The following ARHGAP33 variants were observed in gnomAD, a reference collection of about 807,000 sequenced individuals.
The protein encoded by ARHGAP33 is Rho GTPase activating protein 33.
Under a neutral mutation model 126.2 loss-of-function variants are expected in ARHGAP33, and 57 were observed. The observed-to-expected ratio is 0.45, with a 90% CI of 0.36 to 0.56. The LOEUF is 0.56. ARHGAP33 is among the 20% of genes least tolerant of loss of function. The pLI, the probability that ARHGAP33 is intolerant of heterozygous loss-of-function variation, is 0.00. For synonymous variants in ARHGAP33, 711 were observed against 755.0 expected (o/e 0.94, Z 0.95); for missense variants, 1,500 against 1,748.3 (o/e 0.86, Z 2.53).
In ARHGAP33 at chr19:35,775,632, G is replaced by T. The variant is rs1015362416; in HGVS notation, c.-27G>T. The T allele has an allele frequency of 2.6e-6, 4 of 1,528,054 alleles. No individual in the cohort carries two copies. The African/African-American group carries it at 5.8e-5, about 22-fold the overall frequency. 94.7% of individuals were successfully genotyped at this position (1,528,054 alleles called of 1,614,324 possible). On this transcript the variant is annotated 5_prime_UTR_variant, in exon 1 of 21. Transcript: ENST00000007510. Reference sequence around the variant, plus strand: ...AACGGCGAGCGAGGGGTCGAGCGCGGCCGGGGCCTGAGGAGGCTACGCGAC... The same window carrying T: ...AACGGCGAGCGAGGGGTCGAGCGCGTCCGGGGCCTGAGGAGGCTACGCGAC...
rs1292407190 is a variant in ARHGAP33, at chr19:35,786,481, CCTG to C, written c.2015_2017del (p.Ala672del). On this transcript the variant is annotated inframe_deletion, in exon 20 of 21. Transcript: ENST00000007510. This position sits in a 1 kb window ranked among gnomAD's most constrained non-coding sequence, Gnocchi z 7.0. The stretch of plus-strand genomic sequence containing the variant: ...CGACGCTTTCCCTGTGGGCCCAGCA[CCTG>C]CTGGCTCCTGCGAGAGCCTGTCCTC... The C allele has an allele frequency of 6.5e-7, 1 of 1,535,838 alleles. No homozygotes were observed. Among genetic ancestry groups the C allele is most frequent in the Non-Finnish European group, 8.7e-7 (1 of 1,146,802 alleles).
rs746769659 is a variant in ARHGAP33 at position 35,779,039 on chromosome 19, T to C, written c.416T>C (p.Val139Ala). 1.3e-6 allele frequency: 2 copies of C among 1,550,298 alleles called. No homozygotes were observed. The highest frequency in any genetic ancestry group is 2.4e-5 in the South Asian group (2 of 83,990). Residue 139 changes from valine to alanine, a missense_variant, in exon 6 of 21, where the codon GTG becomes GCG. Coordinates refer to ENST00000007510, the MANE Select transcript of ARHGAP33 (RefSeq NM_001366178.1). ...PEGARAAQML[V>A]PLLLQYLETL... is the part of the protein sequence containing the mutation. ...CTGACAACCTGCCCCCAGATGCTGG[T>C]GCCACTGCTGCTGCAGTACCTGGAG...
chr19:35,779,309 C>G, intron 6 of ARHGAP33, 185 bp downstream of exon 6: 1 of 576,080 alleles, frequency 1.7e-6, no homozygotes, highest in Non-Finnish European at 3.1e-6. Context: ...TGTGTGTGTG[C>G]ACGTGTGTGT....
intron 12 of ARHGAP33, among the ~76,000 whole-genome samples, chr19:35,781,523 T>C (rs2146708878): frequency 6.6e-6 from 1 of 152,212 alleles, no homozygotes; most frequent in Admixed American, 6.5e-5. Flanking sequence ...ATAGGGCCCA[T>C]GGGCTAGAGG....
intron 6 of ARHGAP33, 107 bp from the exon 7 acceptor site, chr19:35,780,104 C>G: frequency 6.9e-7 from 1 of 1,456,486 alleles, no homozygotes; most frequent in African/African-American, 1.4e-5. Flanking sequence ...GTGACAGGGG[C>G]TCTTGACGGG....
Position 35,786,254 on chromosome 19 carries a change from G to A in ARHGAP33, c.1943-159G>A, listed in dbSNP as rs1972104838. 2 of 1,426,866 alleles carry A rather than the reference G, an allele frequency of 1.4e-6. No individual in the cohort carries two copies. Among genetic ancestry groups the A allele is most frequent in the Admixed American group, 2.9e-5 (1 of 34,606 alleles). The allele number at this position is 1,426,866 out of a possible 1,614,324, so 88.4% of individuals were successfully genotyped here. The stretch of plus-strand genomic sequence containing the variant: ...GGCCTTCGTGCTTTGGGCCGGAAGT[G>A]TCCTCTTCATGGTCTCCACTGTCAA... On this transcript the variant is annotated intron_variant, in intron 19 of 20. Coordinates refer to ENST00000007510, the MANE Select transcript of ARHGAP33 (RefSeq NM_001366178.1). This position sits in a 1 kb window ranked among gnomAD's most constrained non-coding sequence, Gnocchi z 7.0.
Position 35,786,516 on chromosome 19 carries a change from C to T in ARHGAP33, c.2046C>T (p.Ser682=). 1 of 1,535,812 alleles carries T rather than the reference C, an allele frequency of 6.5e-7. No homozygotes were observed. Among genetic ancestry groups the T allele is most frequent in the Non-Finnish European group, 8.7e-7 (1 of 1,146,530 alleles). ...AGSCESLSSS[S]SSESSSSESS... ...CCTGCGAGAGCCTGTCCTCGTCCTC[C>T]TCCTCCGAGTCCTCCTCCTCTGAGT... The change falls in exon 20 of 21, where the codon TCC becomes TCT. Residue 682 remains serine (S), a synonymous_variant. Coordinates refer to ENST00000007510, the MANE Select transcript of ARHGAP33 (RefSeq NM_001366178.1). This position sits in a 1 kb window ranked among gnomAD's most constrained non-coding sequence, Gnocchi z 7.0.
rs775899107 is a variant in ARHGAP33, at chr19:35,780,258, C to G, written c.549C>G (p.Leu183=). ...TGCTCCTCAGTGAGGAGGCGTCACT[C>G]AATATCCCTGCAGTGGCGGCCGCCC... is the stretch of plus-strand genomic sequence containing the variant. ...RRLLLSEEAS[L]NIPAVAAAHV... Residue 183 remains leucine, a synonymous_variant, in exon 7 of 21, where the codon CTC becomes CTG. Coordinates refer to ENST00000007510, the MANE Select transcript of ARHGAP33 (RefSeq NM_001366178.1). The G allele has an allele frequency of 6.2e-7, 1 of 1,613,998 alleles. No individual in the cohort carries two copies. Among genetic ancestry groups the G allele is most frequent in the South Asian group, 1.1e-5 (1 of 91,062 alleles).
rs752018639 is a variant in ARHGAP33, at chr19:35,780,789, C to T, written c.802C>T (p.Pro268Ser). Residue 268 changes from proline (P) to serine (S), a missense_variant, in exon 10 of 21, where the codon CCC (proline) becomes TCC (serine). Transcript: ENST00000007510. ...ADGPPCGIPA[P>S]QGISSLTSAV... ...TGGCCCCCCATGTGGCATCCCGGCT[C>T]CCCAGGGTATCTCGTCTCTGACCTC... 13 of 1,613,848 alleles carry T rather than the reference C, an allele frequency of 8.1e-6. No homozygotes were observed. The highest frequency in any genetic ancestry group is 1.7e-6 in the Non-Finnish European group (2 of 1,180,020).
At chr19:35,779,183 A>G (rs1454087270) in intron 6 of ARHGAP33, 59 bp downstream of exon 6, 12 of 1,358,810 alleles carry the variant, frequency 8.8e-6, no homozygotes, top group Non-Finnish European at 1.2e-5. Flanking sequence ...CTGAGGGGCG[A>G]GAAGCAGCCT....
rs771071335 is a variant in ARHGAP33 at position 35,787,827 on chromosome 19, G to A, written c.3262G>A (p.Glu1088Lys). The A allele has an allele frequency of 3.7e-6, 6 of 1,607,360 alleles. No individual in the cohort carries two copies. The highest frequency in any genetic ancestry group is 3.4e-6 in the Non-Finnish European group (4 of 1,177,520). ...CGACAGGGGAGAGAACCTGTACTAT[G>A]AGATCGGGGCAAGTGAGGGGTCCCC... ...PLDRGENLYY[E>K]IGASEGSPYS... Residue 1088 changes from glutamate (E) to lysine (K), a missense_variant, in exon 21 of 21, where the codon GAG becomes AAG. Physicochemically the swap from Glu to Lys is moderately conservative, Grantham distance 56. Around this residue, in one of 6 missense-constraint regions of ARHGAP33, gnomAD observed 642 missense variants for 634.0 expected, o/e 1.01. Transcript: ENST00000007510.
rs1053649184 is a variant in ARHGAP33 at position 35,785,007 on chromosome 19, G to T, written c.1622G>T (p.Arg541Leu). ...KSLAGSCPSTRLLTLEEAQAR... is the reference protein window; with the variant it reads ...KSLAGSCPSTLLLTLEEAQAR... Reference sequence around the variant, plus strand: ...CTTGCGGGCAGCTGCCCCTCCACCCGCCTGCTGACGCTGGAGGAAGCCCAG... The same window carrying T: ...CTTGCGGGCAGCTGCCCCTCCACCCTCCTGCTGACGCTGGAGGAAGCCCAG... The change falls in exon 17 of 21, where the codon CGC becomes CTC. Residue 541 changes from arginine to leucine, a missense_variant. Arg to Leu is a moderately radical substitution (Grantham distance 102). Transcript: ENST00000007510. The T allele has an allele frequency of 7.1e-6, 11 of 1,548,280 alleles. No homozygotes were observed. The highest frequency in any genetic ancestry group is 9.6e-6 in the Non-Finnish European group (11 of 1,147,056).
At position 35,786,247 on chromosome 19, in the gene ARHGAP33, C is replaced by A; in HGVS notation, c.1943-166C>A. ...GCCACAGGGCCTTCGTGCTTTGGGCCGGAAGTGTCCTCTTCATGGTCTCCA... is the reference window on the plus strand; with the variant it reads ...GCCACAGGGCCTTCGTGCTTTGGGCAGGAAGTGTCCTCTTCATGGTCTCCA... On this transcript the variant is annotated intron_variant, in intron 19 of 20. Transcript: ENST00000007510. The surrounding 1 kb of genome is among the most constrained non-coding windows in gnomAD (Gnocchi z 7.0). The A allele has an allele frequency of 8.4e-6, 12 of 1,424,820 alleles. No individual in the cohort carries two copies. The highest frequency in any genetic ancestry group is 1.1e-5 in the Non-Finnish European group (12 of 1,094,152). The allele number at this position is 1,424,820 out of a possible 1,614,324, so 88.3% of individuals were successfully genotyped here.
intron 16 of ARHGAP33, 41 bp downstream of exon 16, chr19:35,784,358 C>A (rs765314067): frequency 6.6e-7 from 1 of 1,514,848 alleles, no homozygotes. Flanking sequence ...TACTGCCCAC[C>A]ACGATCAGGG....
At position 35,777,691 on chromosome 19, in the gene ARHGAP33, A is replaced by G; in HGVS notation, c.53A>G (p.Gln18Arg). The G allele has an allele frequency of 1.9e-6, 3 of 1,597,538 alleles. No individual in the cohort carries two copies. The highest frequency in any genetic ancestry group is 2.6e-6 in the Non-Finnish European group (3 of 1,172,052). ...SLDGPGEGSV[Q>R]PLPTAGGPSV... Reference sequence around the variant, plus strand: ...GATGGCCCAGGGGAGGGCTCGGTGCAGCCTCTACCCACTGCTGGGGGGCCC... The same window carrying G: ...GATGGCCCAGGGGAGGGCTCGGTGCGGCCTCTACCCACTGCTGGGGGGCCC... Residue 18 changes from glutamine (Q) to arginine (R), a missense_variant, in exon 2 of 21, where the codon CAG becomes CGG. By Grantham distance (43) the Gln-to-Arg change is conservative. Transcript: ENST00000007510.
chr19:35,787,719 T>A lies in ARHGAP33; in HGVS notation c.3154T>A (p.Leu1052Met). 6.3e-7 allele frequency: 1 copy of A among 1,588,906 alleles called. No homozygotes were observed. Among genetic ancestry groups the A allele is most frequent in the Non-Finnish European group, 8.5e-7 (1 of 1,172,478 alleles). Residue 1052 changes from leucine to methionine, a missense_variant, in exon 21 of 21, where the codon TTG (leucine) becomes ATG (methionine). Transcript: ENST00000007510. ...PPFLGVPKPG[L>M]YPLGPPSFQP... ...CTTCCTCGGGGTCCCCAAGCCAGGC[T>A]TGTACCCCCTGGGCCCCCCATCCTT...
Position 35,788,003 on chromosome 19 carries a change from C to A in ARHGAP33, c.3438C>A (p.Pro1146=). The A allele has an allele frequency of 6.3e-7, 1 of 1,596,082 alleles. No individual in the cohort carries two copies. The highest frequency in any genetic ancestry group is 1.1e-5 in the South Asian group (1 of 90,540). Residue 1146 remains proline, a synonymous_variant, in exon 21 of 21, where the codon CCC becomes CCA. Coordinates refer to ENST00000007510, the MANE Select transcript of ARHGAP33 (RefSeq NM_001366178.1). ...ACCCGCCAGCCCCCTCCTGCTTTCCCCCTGACCACCTTGGCTACTCAGCCC... is the reference window on the plus strand; with the variant it reads ...ACCCGCCAGCCCCCTCCTGCTTTCCACCTGACCACCTTGGCTACTCAGCCC... The part of the protein sequence containing the change: ...LSYPPAPSCF[P]PDHLGYSAPQ...
chr19:35,786,363 G>T lies in ARHGAP33; in HGVS notation c.1943-50G>T. 1.3e-6 allele frequency: 2 copies of T among 1,481,590 alleles called. No individual in the cohort carries two copies. The highest frequency in any genetic ancestry group is 1.8e-6 in the Non-Finnish European group (2 of 1,118,966). The allele number at this position is 1,481,590 out of a possible 1,614,324, so 91.8% of individuals were successfully genotyped here. ...ATGTCCTTTCCCCAGCTTTCTGTGG[G>T]GCTGTGCGCCCTGTTCTCAGGGATG... is the stretch of plus-strand genomic sequence containing the variant. On this transcript the variant is annotated intron_variant, in intron 19 of 20. Transcript: ENST00000007510. This position sits in a 1 kb window ranked among gnomAD's most constrained non-coding sequence, Gnocchi z 7.0.
At position 35,787,865 on chromosome 19, in the gene ARHGAP33, C is replaced by T. The variant is rs919620631; in HGVS notation, c.3300C>T (p.Pro1100=). 2.5e-6 allele frequency: 4 copies of T among 1,609,540 alleles called. No homozygotes were observed. The African/African-American group carries it at 5.4e-5, about 22-fold the overall frequency. The part of the protein sequence containing the change: ...GASEGSPYSG[P]TRSWSPFRSM... ...GTGAGGGGTCCCCCTATTCTGGCCCCACCCGCTCCTGGAGTCCCTTTCGCT... is the reference window on the plus strand; with the variant it reads ...GTGAGGGGTCCCCCTATTCTGGCCCTACCCGCTCCTGGAGTCCCTTTCGCT... Residue 1100 remains proline, a synonymous_variant, in exon 21 of 21, where the codon CCC becomes CCT. Coordinates refer to ENST00000007510, the MANE Select transcript of ARHGAP33 (RefSeq NM_001366178.1).
Sources: allele counts gnomAD v4.1 joint callset (sites outside exome capture counted in the v4.1 genomes callset), GRCh38; gene constraint gnomAD v4.1.1; regional missense constraint gnomAD v4.1.1; non-coding constraint Gnocchi (gnomAD v3.1); transcripts MANE v1.5; gene names NCBI Gene and HGNC (gene_info 2026-07-23, HGNC 2026-07-21).